The following CNTNAP2 variants were observed in gnomAD, a reference collection of about 807,000 sequenced individuals.
CNTNAP2 encodes contactin-associated protein-like 2.
Under a neutral mutation model 155.2 loss-of-function variants are expected in CNTNAP2, and 98 were observed. That is an observed-to-expected ratio of 0.63 (90% CI 0.54 to 0.75). CNTNAP2 has a LOEUF of 0.75. Among genes scored for constraint, CNTNAP2 ranks in the 30% least tolerant of loss-of-function variants. CNTNAP2 has a pLI of 0.00. For synonymous variants in CNTNAP2, 651 were observed against 631.2 expected, an observed-to-expected ratio of 1.03 and a Z score of -0.47; for missense variants, 1,727 against 1,688.1, an observed-to-expected ratio of 1.02 and a Z score of -0.40.
intron 1 of CNTNAP2, among the ~76,000 whole-genome samples, chr7:146,673,132 G>T (rs1324964996): frequency 6.6e-6 from 1 of 151,850 alleles, no homozygotes; most frequent in Admixed American, 6.6e-5. Flanking sequence ...TAATAGCTTT[G>T]ATATTCAAAT....
At chr7:148,234,467 T>C (rs895153245) in intron 20 of CNTNAP2, among the ~76,000 whole-genome samples, 1 of 152,242 alleles carries the variant, frequency 6.6e-6, no homozygotes, top group Non-Finnish European at 1.5e-5. Context: ...GCCCTATTTC[T>C]TCAGATTTTT....
At chr7:147,294,659 A>T (rs913918297) in intron 8 of CNTNAP2, among the ~76,000 whole-genome samples, 17 of 147,364 alleles carry the variant, frequency 1.2e-4, no homozygotes, top group Non-Finnish European at 2.1e-4. Flanking sequence ...TCCAAAGACA[A>T]TTTTTTTTTT....
chr7:147,195,303 A>G (rs1302215962), intron 8 of CNTNAP2, among the ~76,000 whole-genome samples: 1 of 152,148 alleles, frequency 6.6e-6, no homozygotes, highest in Non-Finnish European at 1.5e-5. Context: ...TACCAGTACC[A>G]TGCTGTTTTG....
At chr7:148,401,686 C>G (rs2116700024) in intron 22 of CNTNAP2, among the ~76,000 whole-genome samples, 1 of 152,170 alleles carries the variant, frequency 6.6e-6, no homozygotes, top group African/African-American at 2.4e-5. Flanking sequence ...GCAATCTCCG[C>G]TTCCCGGGTT....
At chr7:148,136,845 G>A (rs1190343688) in intron 16 of CNTNAP2, among the ~76,000 whole-genome samples, 1 of 151,966 alleles carries the variant, frequency 6.6e-6, no homozygotes, top group Non-Finnish European at 1.5e-5. Context: ...GTCCTAAAAG[G>A]GTTCTCACGT....
chr7:146,844,213 AGT>A (rs1481180577), intron 3 of CNTNAP2, among the ~76,000 whole-genome samples: 1 of 152,096 alleles, frequency 6.6e-6, no homozygotes, highest in Non-Finnish European at 1.5e-5. Context: ...TGCATTAGGG[AGT>A]GAGAATGGCT....
At chr7:147,165,675 T>C (rs946458673) in intron 8 of CNTNAP2, among the ~76,000 whole-genome samples, 1 of 152,194 alleles carries the variant, frequency 6.6e-6, no homozygotes, top group Non-Finnish European at 1.5e-5. Context: ...AGGTTCAGTT[T>C]CATTCTTCTG....
chr7:148,294,552 C>T (rs1439367797), intron 21 of CNTNAP2, among the ~76,000 whole-genome samples: 3 of 152,294 alleles, frequency 2.0e-5, no homozygotes, highest in African/African-American at 7.2e-5. Context: ...CTTAAAGACA[C>T]ACTTTGCCAT....
chr7:147,196,705 A>G (rs1802807555), intron 8 of CNTNAP2, among the ~76,000 whole-genome samples: 1 of 152,228 alleles, frequency 6.6e-6, no homozygotes, highest in Non-Finnish European at 1.5e-5. Flanking sequence ...TACAGCTACC[A>G]GAAAATACAA....
intron 1 of CNTNAP2, among the ~76,000 whole-genome samples, chr7:146,364,501 A>G (rs1475976217): frequency 6.6e-6 from 1 of 152,224 alleles, no homozygotes; most frequent in Non-Finnish European, 1.5e-5. Context: ...ATATATGAGT[A>G]TTAATTATAA....
intron 8 of CNTNAP2, among the ~76,000 whole-genome samples, chr7:147,286,222 A>G (rs73465191): frequency 0.059 from 9,037 of 152,106 alleles, 371 homozygotes; most frequent in African/African-American, 0.12. Context: ...GAAAACTAAG[A>G]TATTACATTT....
intron 1 of CNTNAP2, among the ~76,000 whole-genome samples, chr7:146,686,649 C>G (rs775353871): frequency 1.8e-4 from 28 of 152,132 alleles, no homozygotes; most frequent in Non-Finnish European, 4.1e-4. Context: ...TTGTTGATGA[C>G]TTTTCACAGT....
intron 10 of CNTNAP2, among the ~76,000 whole-genome samples, chr7:147,470,751 T>C (rs1195154907): frequency 9.9e-5 from 15 of 152,018 alleles, no homozygotes; most frequent in Non-Finnish European, 5.9e-5. Flanking sequence ...CTTTATTTAT[T>C]TATTTTGAGG....
intron 11 of CNTNAP2, among the ~76,000 whole-genome samples, chr7:147,559,865 TA>T (rs57030720): frequency 0.2 from 28,386 of 140,376 alleles, 2,787 homozygotes; most frequent in East Asian, 0.36. Flanking sequence ...TTGCCGATCT[TA>T]AAAAAAAAAA....
intron 1 of CNTNAP2, among the ~76,000 whole-genome samples, chr7:146,184,266 T>C (rs35273012): frequency 1.3e-5 from 2 of 152,122 alleles, no homozygotes; most frequent in Admixed American, 6.5e-5. Flanking sequence ...ATTGATAAAA[T>C]GTCTTGTAGA....
intron 1 of CNTNAP2, among the ~76,000 whole-genome samples, chr7:146,673,493 G>C (rs1800344282): frequency 6.6e-6 from 1 of 152,134 alleles, no homozygotes; most frequent in Admixed American, 6.5e-5. Context: ...TCCATACATA[G>C]TGAACTGTAA....
intron 9 of CNTNAP2, among the ~76,000 whole-genome samples, chr7:147,310,550 C>T (rs1056203705): frequency 1.8e-4 from 28 of 152,210 alleles, no homozygotes; most frequent in South Asian, 4.1e-4. Context: ...AAACTACTGG[C>T]CAAATTTTTA....
chr7:146,699,276 T>C (rs1199209770), intron 1 of CNTNAP2, among the ~76,000 whole-genome samples: 1 of 152,206 alleles, frequency 6.6e-6, no homozygotes, highest in East Asian at 1.9e-4. Flanking sequence ...CTATTTGCTG[T>C]AGCTATATGT....
intron 11 of CNTNAP2, among the ~76,000 whole-genome samples, chr7:147,554,869 CAG>C (rs1554404706): frequency 6.6e-6 from 1 of 151,594 alleles, no homozygotes; most frequent in Non-Finnish European, 1.5e-5. Context: ...TCCAAACAGA[CAG>C]AGAACATATG....
Sources: allele counts gnomAD v4.1 joint callset (sites outside exome capture counted in the v4.1 genomes callset), GRCh38; gene constraint gnomAD v4.1.1; transcripts MANE v1.5; gene names NCBI Gene and HGNC (gene_info 2026-07-23, HGNC 2026-07-21).